Variants in MYRIP observed in about 807,000 individuals in gnomAD.
MYRIP encodes rab effector MyRIP.
A neutral mutation model predicts 98.0 loss-of-function variants in MYRIP; 49 were observed. That is an observed-to-expected ratio of 0.50 (90% CI 0.40 to 0.63). The LOEUF (loss-of-function observed/expected upper bound fraction) is 0.63. MYRIP is among the 30% of genes least tolerant of loss of function. MYRIP has a pLI of 0.00. For missense variants in MYRIP, 1,004 were observed against 1,058.2 expected (o/e 0.95, Z 0.71); for synonymous variants, 404 against 409.5 (o/e 0.99, Z 0.16).
chr3:40,241,724 A>G (rs1880762), intron 12 of MYRIP, among the ~76,000 whole-genome samples: 52,421 of 152,056 alleles, frequency 0.34, 9,414 homozygotes, highest in East Asian at 0.57. Flanking sequence ...CAGTGAATGC[A>G]ATCACAGGCA....
At position 40,097,721 on chromosome 3, in the gene MYRIP, C is replaced by T. The variant is rs115437681; in HGVS notation, c.333-53327C>T. On this transcript the variant is annotated intron_variant, in intron 3 of 16. Transcript: ENST00000302541. ...TGAGGAAGTGTCCCACGGGATGGTA[C>T]CAGAGCTCAGAGCCTCCTGTGTCTC... Among the ~76,000 whole-genome samples the T allele has an allele frequency of 5.3e-3, 800 of 152,286 alleles. 3 individuals carry two copies. The highest frequency in any genetic ancestry group is 0.01 in the Middle Eastern group (3 of 294).
chr3:39,831,886 A>G (rs1941460578), intron 1 of MYRIP, among the ~76,000 whole-genome samples: 1 of 152,180 alleles, frequency 6.6e-6, no homozygotes, highest in Non-Finnish European at 1.5e-5. Flanking sequence ...GGGATGGTTT[A>G]TAAGTTTCTG....
At chr3:40,049,500 G>T (rs1351169331) in intron 3 of MYRIP, among the ~76,000 whole-genome samples, 2 of 152,012 alleles carry the variant, frequency 1.3e-5, no homozygotes, top group Admixed American at 1.3e-4. Flanking sequence ...TATCAGTATT[G>T]TGTGTGTTCT....
intron 3 of MYRIP, among the ~76,000 whole-genome samples, chr3:40,068,773 A>G (rs1352757615): frequency 2.0e-5 from 3 of 152,144 alleles, no homozygotes; most frequent in African/African-American, 4.8e-5. Flanking sequence ...CCGTTTCCCC[A>G]TTTGTCATTT....
At chr3:39,951,429 A>G (rs778787940) in intron 2 of MYRIP, among the ~76,000 whole-genome samples, 3 of 152,056 alleles carry the variant, frequency 2.0e-5, no homozygotes, top group Non-Finnish European at 2.9e-5. Flanking sequence ...GAGAAGCGCT[A>G]CTTTAAACAG....
chr3:39,893,052 TGG>T (rs1304276841), intron 1 of MYRIP, among the ~76,000 whole-genome samples: 1 of 152,158 alleles, frequency 6.6e-6, no homozygotes, highest in Admixed American at 6.5e-5. Flanking sequence ...CTTGACCAAG[TGG>T]GTTGTATGGC....
chr3:39,882,501 C>G (rs1943181170), intron 1 of MYRIP, among the ~76,000 whole-genome samples: 3 of 152,038 alleles, frequency 2.0e-5, no homozygotes, highest in Admixed American at 2.0e-4. Flanking sequence ...CTATTTTTGT[C>G]AGAACACAAT....
intron 3 of MYRIP, among the ~76,000 whole-genome samples, chr3:40,143,570 A>G (rs1949953012): frequency 6.6e-6 from 1 of 152,222 alleles, no homozygotes; most frequent in African/African-American, 2.4e-5. Flanking sequence ...AGCTTCCAGA[A>G]AAGCTGTCTG....
rs554417182 is a variant in MYRIP, at chr3:39,969,143, T to C, written c.110+68217T>C. Among the ~76,000 whole-genome samples the C allele has an allele frequency of 2.0e-5, 3 of 152,314 alleles. No homozygotes were observed. The East Asian group carries it at 5.8e-4, about 29-fold the overall frequency. On this transcript the variant is annotated intron_variant, in intron 2 of 16. Coordinates refer to ENST00000302541, the MANE Select transcript of MYRIP (RefSeq NM_015460.4). ...GCTCAGTTTGGCTATTGTTGGTGTA[T>C]AGAAATGCTAGTGATTTTTGTACAT...
chr3:40,020,195 G>C (rs1463645625), intron 2 of MYRIP, among the ~76,000 whole-genome samples: 1 of 151,994 alleles, frequency 6.6e-6, no homozygotes. Flanking sequence ...TTTATGCTCA[G>C]GTGTGCTCAA....
chr3:40,064,460 T>G (rs1258200074), intron 3 of MYRIP, among the ~76,000 whole-genome samples: 1 of 152,188 alleles, frequency 6.6e-6, no homozygotes, highest in East Asian at 1.9e-4. Flanking sequence ...TTGTCTAAGG[T>G]GTTTTCAGCA....
intron 12 of MYRIP, among the ~76,000 whole-genome samples, chr3:40,234,669 A>G (rs937975260): frequency 6.6e-6 from 1 of 152,174 alleles, no homozygotes; most frequent in African/African-American, 2.4e-5. Flanking sequence ...AGTTACTACA[A>G]CTGGTCTTCT....
intron 3 of MYRIP, among the ~76,000 whole-genome samples, chr3:40,047,501 A>G (rs1947694817): frequency 6.6e-6 from 1 of 152,244 alleles, no homozygotes; most frequent in African/African-American, 2.4e-5. Context: ...CAAACAGAAC[A>G]CACCCACACT....
intron 5 of MYRIP, among the ~76,000 whole-genome samples, chr3:40,163,459 G>A (rs1275198439): frequency 6.6e-6 from 1 of 152,214 alleles, no homozygotes; most frequent in Non-Finnish European, 1.5e-5. Context: ...GGCATTTCTG[G>A]AAGAGAACAG....
chr3:39,919,694 GT>G (rs1559522254), intron 2 of MYRIP, among the ~76,000 whole-genome samples: 15 of 59,092 alleles, frequency 2.5e-4, no homozygotes, highest in Non-Finnish European at 3.8e-4. Flanking sequence ...GGTATGTGTG[GT>G]GTGTGTGTGT....
At chr3:39,932,536 G>T (rs779345334) in intron 2 of MYRIP, among the ~76,000 whole-genome samples, 28 of 151,876 alleles carry the variant, frequency 1.8e-4, no homozygotes, top group Admixed American at 1.4e-3. Context: ...AAATTTTTCG[G>T]TTTTTTGGGG....
At position 40,189,884 on chromosome 3, in the gene MYRIP, T is replaced by A. The variant is rs768794375; in HGVS notation, c.1086T>A (p.Ala362=). ...DGNWVALKDG[A]PPPTRLLAKP... Reference sequence around the variant, plus strand: ...ACTGGGTGGCCCTGAAGGATGGCGCTCCACCCCCCACCCGACTACTGGCCA... The same window carrying A: ...ACTGGGTGGCCCTGAAGGATGGCGCACCACCCCCCACCCGACTACTGGCCA... The change falls in exon 10 of 17, where the codon GCT becomes GCA. Residue 362 remains alanine, a synonymous_variant. Coordinates refer to ENST00000302541, the MANE Select transcript of MYRIP (RefSeq NM_015460.4). 1.9e-6 allele frequency: 3 copies of A among 1,613,984 alleles called. No homozygotes were observed. The highest frequency in any genetic ancestry group is 1.7e-6 in the Non-Finnish European group (2 of 1,180,020).
Position 40,158,613 on chromosome 3 carries a change from A to G in MYRIP, c.470-4117A>G, listed in dbSNP as rs185695440. Among the ~76,000 whole-genome samples, 9 of 152,154 alleles carry G rather than the reference A, an allele frequency of 5.9e-5. No homozygotes were observed. The East Asian group carries it at 1.7e-3, about 29-fold the overall frequency. On this transcript the variant is annotated intron_variant, in intron 4 of 16. Coordinates refer to ENST00000302541, the MANE Select transcript of MYRIP (RefSeq NM_015460.4). ...CAGTGGGGTGTTAAAGTCTCCCATTATTATTGTTTGGGAGTCTAAGTCTCT... is the reference window on the plus strand; with the variant it reads ...CAGTGGGGTGTTAAAGTCTCCCATTGTTATTGTTTGGGAGTCTAAGTCTCT...
intron 1 of MYRIP, among the ~76,000 whole-genome samples, chr3:39,877,889 C>T (rs917407340): frequency 2.0e-5 from 3 of 152,218 alleles, no homozygotes; most frequent in Non-Finnish European, 4.4e-5. Context: ...CAGACAGGGA[C>T]ATATAAGTCT....
Sources: allele counts gnomAD v4.1 joint callset (sites outside exome capture counted in the v4.1 genomes callset), GRCh38; gene constraint gnomAD v4.1.1; transcripts MANE v1.5; gene names NCBI Gene and HGNC (gene_info 2026-07-23, HGNC 2026-07-21).